The following STIM1 variants were observed in gnomAD, a reference collection of about 807,000 sequenced individuals.
STIM1 encodes the protein stromal interaction molecule 1.
A neutral mutation model predicts 74.7 loss-of-function variants in STIM1; 25 were observed. The ratio of observed to expected loss-of-function variants is 0.33; its 90% CI spans 0.24 to 0.47. The LOEUF is 0.47. STIM1 is among the 20% of genes least tolerant of loss of function. The probability of loss-of-function intolerance (pLI) is 1.00; values close to 1 mark genes in which losing one functional copy is unlikely to be tolerated. For missense variants in STIM1, 728 were observed against 920.8 expected (o/e 0.79, Z 2.71); for synonymous variants, 328 against 348.8 (o/e 0.94, Z 0.66).
At chr11:3,935,396 T>A (rs1565120711) in intron 1 of STIM1, among the ~76,000 whole-genome samples, 1 of 152,174 alleles carries the variant, frequency 6.6e-6, no homozygotes, top group Non-Finnish European at 1.5e-5. Flanking sequence ...TGATATCAGT[T>A]TATGTTTGTA....
rs1322510662 is a variant in STIM1, at chr11:3,869,902, G to A, written c.139+13493G>A. ...AATCAGTAGGACTCAGAGTTTAAAT[G>A]TAGGAAGGGAAGGAAAGAAAGAAAA... is the stretch of plus-strand genomic sequence containing the variant. On this transcript the variant is annotated intron_variant, in intron 1 of 12. Transcript: ENST00000526596. 2.6e-5 allele frequency among the ~76,000 whole-genome samples: 4 copies of A among 152,182 alleles called. No individual in the cohort carries two copies. In the East Asian group the frequency reaches 7.7e-4, roughly 29 times the overall value.
At chr11:4,054,541 T>C (rs894348402) in intron 3 of STIM1, among the ~76,000 whole-genome samples, 4 of 152,154 alleles carry the variant, frequency 2.6e-5, no homozygotes, top group African/African-American at 7.2e-5. Flanking sequence ...TAGATCCTCA[T>C]AGGAGTGCGA....
At chr11:4,055,011 T>C (rs149964929) in intron 3 of STIM1, among the ~76,000 whole-genome samples, 1 of 152,354 alleles carries the variant, frequency 6.6e-6, no homozygotes, top group African/African-American at 2.4e-5. Context: ...TCCTCCAGGC[T>C]TGGCACTAAG....
At chr11:3,979,345 G>A (rs11030478) in intron 2 of STIM1, among the ~76,000 whole-genome samples, 8,262 of 152,190 alleles carry the variant, frequency 0.054, 372 homozygotes, top group East Asian at 0.18. Flanking sequence ...TGGGTTCTGT[G>A]TCTCCTGCAT....
At chr11:3,946,877 G>A (rs1008361145) in intron 1 of STIM1, among the ~76,000 whole-genome samples, 1 of 152,118 alleles carries the variant, frequency 6.6e-6, no homozygotes, top group African/African-American at 2.4e-5. Context: ...GTGACATTGG[G>A]CATAGCCCTT....
chr11:4,086,911 T>G, intron 12 of STIM1: 1 of 1,499,326 alleles, frequency 6.7e-7, no homozygotes, highest in Non-Finnish European at 8.9e-7. Flanking sequence ...TTTCTGCTGC[T>G]TTTACCTTGG....
At position 3,945,351 on chromosome 11, in the gene STIM1, T is replaced by C. The variant is rs556526846; in HGVS notation, c.140-22201T>C. ...CAGCACTTTGGGAGGCTGAGGCGGG[T>C]GGATCACCTGCGGTCAAGAGTTTGA... On this transcript the variant is annotated intron_variant, in intron 1 of 12. Coordinates refer to ENST00000526596, the MANE Select transcript of STIM1 (RefSeq NM_001382567.1). Among the ~76,000 whole-genome samples the C allele has an allele frequency of 1.4e-3, 218 of 151,426 alleles. 1 individual carries two copies. The highest frequency in any genetic ancestry group is 5.1e-3 in the African/African-American group (210 of 41,268).
intron 1 of STIM1, among the ~76,000 whole-genome samples, chr11:3,885,519 T>C (rs1215511213): frequency 6.6e-6 from 1 of 152,262 alleles, no homozygotes; most frequent in Non-Finnish European, 1.5e-5. Flanking sequence ...TGAGAACTAT[T>C]GGTTTAACAC....
chr11:4,074,676 G>C lies in STIM1; in HGVS notation c.966G>C (p.Glu322Asp). 1 of 1,556,110 alleles carries C rather than the reference G, an allele frequency of 6.4e-7. No individual in the cohort carries two copies. The change falls in exon 7 of 13, where the codon GAG becomes GAC. Residue 322 changes from glutamate to aspartate, a missense_variant. Physicochemically the swap from Glu to Asp is conservative, Grantham distance 45. Around this residue, in one of 5 missense-constraint regions of STIM1, gnomAD observed 131 missense variants for 235.9 expected, o/e 0.56. Transcript: ENST00000526596. ...SRQKYAEEEL[E>D]QVREALRKAE... ...AAAAATATGCTGAGGAGGAGTTGGAGCAGGTAGGAGAGTCCACAAATTCCT... is the reference window on the plus strand; with the variant it reads ...AAAAATATGCTGAGGAGGAGTTGGACCAGGTAGGAGAGTCCACAAATTCCT...
chr11:3,980,733 G>T lies in STIM1; in HGVS notation c.270+13051G>T, dbSNP rs115112535. 9.3e-3 allele frequency among the ~76,000 whole-genome samples: 1,419 copies of T among 151,982 alleles called. 25 individuals carry two copies. The highest frequency in any genetic ancestry group is 0.032 in the African/African-American group (1,341 of 41,406). Reference sequence around the variant, plus strand: ...AAAAGAAATTTCATTTGTCCACCAAGGCCTAGATCAGGGTTTCGGAACCTC... The same window carrying T: ...AAAAGAAATTTCATTTGTCCACCAATGCCTAGATCAGGGTTTCGGAACCTC... On this transcript the variant is annotated intron_variant, in intron 2 of 12. Coordinates refer to ENST00000526596, the MANE Select transcript of STIM1 (RefSeq NM_001382567.1).
intron 1 of STIM1, among the ~76,000 whole-genome samples, chr11:3,864,167 G>A (rs1417663320): frequency 1.3e-5 from 2 of 152,176 alleles, no homozygotes; most frequent in African/African-American, 4.8e-5. Context: ...AGCTCCAGCT[G>A]TACTCTCTTA....
At chr11:3,983,454 T>G (rs2093526892) in intron 2 of STIM1, among the ~76,000 whole-genome samples, 1 of 152,188 alleles carries the variant, frequency 6.6e-6, no homozygotes, top group Non-Finnish European at 1.5e-5. Flanking sequence ...TTTTTATTCC[T>G]TCCTTTTCCT....
At position 4,055,715 on chromosome 11, in the gene STIM1, G is replaced by A. The variant is rs2094283863; in HGVS notation, c.497+78G>A. ...GTGGGCCTGCCTTCAGATTGCTCTG[G>A]CCAGTTAAGTGAGGTTCTGCCTTTT... On this transcript the variant is annotated intron_variant, in intron 4 of 12. Coordinates refer to ENST00000526596, the MANE Select transcript of STIM1 (RefSeq NM_001382567.1). 5 of 1,127,696 alleles carry A rather than the reference G, an allele frequency of 4.4e-6. No homozygotes were observed. The East Asian group carries it at 1.0e-4, about 23-fold the overall frequency. 69.9% of individuals were successfully genotyped at this position (1,127,696 alleles called of 1,614,324 possible).
intron 2 of STIM1, among the ~76,000 whole-genome samples, chr11:4,014,211 ACT>A (rs1295786331): frequency 7.9e-5 from 12 of 152,102 alleles, no homozygotes; most frequent in Non-Finnish European, 1.3e-4. Context: ...CCCTCTACAC[ACT>A]GTTTTAAATG....
intron 5 of STIM1, among the ~76,000 whole-genome samples, chr11:4,063,311 T>C (rs1235984903): frequency 2.6e-5 from 4 of 152,244 alleles, no homozygotes; most frequent in African/African-American, 4.8e-5. Flanking sequence ...TATACATGCA[T>C]ACCTTGTTTT....
chr11:3,976,617 CTT>C (rs2093450792), intron 2 of STIM1, among the ~76,000 whole-genome samples: 1 of 152,164 alleles, frequency 6.6e-6, no homozygotes, highest in Non-Finnish European at 1.5e-5. Flanking sequence ...GCTACTTTCC[CTT>C]TTCTCTTTTC....
At chr11:3,980,604 T>A (rs1321102447) in intron 2 of STIM1, among the ~76,000 whole-genome samples, 21 of 80,570 alleles carry the variant, frequency 2.6e-4, no homozygotes, top group African/African-American at 7.7e-4. Context: ...CAAGACCCCA[T>A]CTCTTTAAAA....
chr11:4,027,270 A>G (rs1028341467), intron 3 of STIM1, among the ~76,000 whole-genome samples: 6 of 152,172 alleles, frequency 3.9e-5, no homozygotes, highest in Admixed American at 2.0e-4. Flanking sequence ...CCACTCCAGG[A>G]AATCCAGCAG....
intron 2 of STIM1, among the ~76,000 whole-genome samples, chr11:4,004,734 A>G (rs1363291950): frequency 1.3e-5 from 2 of 151,912 alleles, no homozygotes; most frequent in African/African-American, 2.4e-5. Flanking sequence ...AAATTGACAA[A>G]TGGGATCTAA....
Sources: gnomAD v4.1 joint callset for allele counts (sites outside exome capture counted in the v4.1 genomes callset) on GRCh38, gnomAD v4.1.1 for gene constraint, gnomAD v4.1.1 regional missense constraint, MANE v1.5 for transcripts, NCBI Gene and HGNC (gene_info 2026-07-23, HGNC 2026-07-21) for gene names.